Variants in GSE1 observed in about 807,000 individuals in gnomAD.
The protein encoded by GSE1 is genetic suppressor element 1.
A neutral mutation model predicts 112.6 loss-of-function variants in GSE1; 32 were observed. The ratio of observed to expected loss-of-function variants is 0.28; its 90% CI spans 0.21 to 0.38. The LOEUF (loss-of-function observed/expected upper bound fraction) is 0.38. GSE1 is among the 10% of genes least tolerant of loss of function. GSE1 has a pLI of 1.00. For missense variants in GSE1, 2,348 were observed against 1,699.2 expected (o/e 1.38, Z -6.71); for synonymous variants, 1,115 against 735.6 (o/e 1.52, Z -8.35).
At chr16:85,194,092 G>A (rs1383005961) in intron 1 of GSE1, among the ~76,000 whole-genome samples, 2 of 152,204 alleles carry the variant, frequency 1.3e-5, no homozygotes, top group Non-Finnish European at 2.9e-5. Context: ...GGCAGAGCTC[G>A]ACTCTGACTC....
chr16:85,382,669 TAAC>T (rs1393118138), intron 2 of GSE1, among the ~76,000 whole-genome samples: 1 of 151,890 alleles, frequency 6.6e-6, no homozygotes. Context: ...CACTGCCAAA[TAAC>T]AGCAGAAGCC....
intron 2 of GSE1, among the ~76,000 whole-genome samples, chr16:85,436,592 G>A (rs1475716620): frequency 2.0e-5 from 3 of 152,244 alleles, no homozygotes; most frequent in African/African-American, 7.2e-5. Flanking sequence ...GTGTGAAGGC[G>A]GGGACCTCGG....
chr16:85,266,188 CCT>C (rs1555549623), intron 1 of GSE1, among the ~76,000 whole-genome samples: 2 of 152,126 alleles, frequency 1.3e-5, no homozygotes, highest in African/African-American at 4.8e-5. Flanking sequence ...CAAACTTGTC[CCT>C]GTTTCTGGGC....
At chr16:85,505,054 C>T (rs937872529) in intron 2 of GSE1, among the ~76,000 whole-genome samples, 2 of 152,200 alleles carry the variant, frequency 1.3e-5, no homozygotes, top group Admixed American at 1.3e-4. Context: ...CCAGCACTCC[C>T]ATCCCTCACT....
At chr16:85,346,247 G>A (rs758017809) in intron 1 of GSE1, among the ~76,000 whole-genome samples, 4 of 150,964 alleles carry the variant, frequency 2.6e-5, no homozygotes, top group Non-Finnish European at 5.9e-5. Context: ...GTGGATGATG[G>A]ATGGATGGAT....
At chr16:85,299,671 T>C (rs1481009057) in intron 1 of GSE1, among the ~76,000 whole-genome samples, 2 of 152,178 alleles carry the variant, frequency 1.3e-5, no homozygotes, top group Admixed American at 1.3e-4. Context: ...CTCACACCTA[T>C]AATCCCAGCA....
At chr16:85,261,306 C>T (rs1195832386) in intron 1 of GSE1, among the ~76,000 whole-genome samples, 2 of 152,188 alleles carry the variant, frequency 1.3e-5, no homozygotes, top group South Asian at 2.1e-4. Flanking sequence ...CCTGGTGCCC[C>T]CACTCACTCA....
At position 85,431,999 on chromosome 16, in the gene GSE1, C is replaced by G. The variant is rs577477990; in HGVS notation, c.2464+74356C>G. ...CGGCATGGGCGCCTGGTGGAATCCT[C>G]GCCGCCTGGGCGAGTGCTGGGACGC... On this transcript the variant is annotated intron_variant, in intron 2 of 2. Transcript: ENST00000637419. Among the ~76,000 whole-genome samples, 36 of 152,314 alleles carry G rather than the reference C, an allele frequency of 2.4e-4. 1 individual carries two copies. The highest frequency in any genetic ancestry group is 8.4e-4 in the African/African-American group (35 of 41,578).
chr16:85,366,900 A>G (rs1036015135), intron 2 of GSE1, among the ~76,000 whole-genome samples: 1 of 152,242 alleles, frequency 6.6e-6, no homozygotes, highest in African/African-American at 2.4e-5. Context: ...TTTTAGATGG[A>G]AAAGACGAGA....
At chr16:85,186,870 G>C (rs1254773027) in intron 1 of GSE1, among the ~76,000 whole-genome samples, 1 of 152,226 alleles carries the variant, frequency 6.6e-6, no homozygotes, top group African/African-American at 2.4e-5. Context: ...AGCAGCGATG[G>C]TTGCCATGTA....
At chr16:85,557,106 T>A (rs892694051) in intron 1 of GSE1, among the ~76,000 whole-genome samples, 10 of 151,800 alleles carry the variant, frequency 6.6e-5, no homozygotes, top group Non-Finnish European at 1.0e-4. Context: ...TTCTAAACCT[T>A]AAAAAAAATT....
intron 1 of GSE1, among the ~76,000 whole-genome samples, chr16:85,339,620 G>A (rs2151536479): frequency 6.6e-6 from 1 of 151,216 alleles, no homozygotes; most frequent in African/African-American, 2.4e-5. Flanking sequence ...GTGCGGAGGG[G>A]GAGGGGGGCA....
rs1567766958 is a variant in GSE1 at position 85,668,442 on chromosome 16, AAG to A, written c.3415+21_3415+22del. The stretch of plus-strand genomic sequence containing the variant: ...CATAGAAGGTAAGGGGGTGCTGGGG[AAG>A]AGGGGGGAGGGGGTCAGGAAAGTAC... On this transcript the variant is annotated intron_variant, in intron 14 of 15. Coordinates refer to ENST00000253458, the MANE Select transcript of GSE1 (RefSeq NM_014615.5). 3 of 1,524,684 alleles carry A rather than the reference AAG, an allele frequency of 2.0e-6. No homozygotes were observed. The highest frequency in any genetic ancestry group is 1.4e-5 in the African/African-American group (1 of 73,396). The allele number at this position is 1,524,684 out of a possible 1,614,324, so 94.4% of individuals were successfully genotyped here.
intron 1 of GSE1, among the ~76,000 whole-genome samples, chr16:85,575,214 C>T (rs541925224): frequency 4.6e-5 from 7 of 152,196 alleles, no homozygotes; most frequent in Non-Finnish European, 7.3e-5. Context: ...TCCACAGGGC[C>T]AGGGCAGGCA....
rs2048772754 is a variant in GSE1 at position 85,419,298 on chromosome 16, G to C, written c.2464+61655G>C. On this transcript the variant is annotated intron_variant, in intron 2 of 2. Transcript: ENST00000637419. The surrounding 1 kb of genome is among the most constrained non-coding windows in gnomAD (Gnocchi z 6.5). Reference sequence around the variant, plus strand: ...AGGCCACCTCAGGAGGCAACATTTAGAGTCGGGGTCAGGGTTTGAGAATAT... The same window carrying C: ...AGGCCACCTCAGGAGGCAACATTTACAGTCGGGGTCAGGGTTTGAGAATAT... Among the ~76,000 whole-genome samples, 1 of 152,206 alleles carries C rather than the reference G, an allele frequency of 6.6e-6. No homozygotes were observed. Among genetic ancestry groups the C allele is most frequent in the South Asian group, 2.1e-4 (1 of 4,824 alleles).
chr16:85,449,084 C>T (rs1199812928), intron 2 of GSE1, among the ~76,000 whole-genome samples: 1 of 152,186 alleles, frequency 6.6e-6, no homozygotes, highest in African/African-American at 2.4e-5. Context: ...GAAACCGGGC[C>T]GGGAGCAGCC....
chr16:85,520,087 G>A (rs915620630), intron 2 of GSE1, among the ~76,000 whole-genome samples: 4 of 152,180 alleles, frequency 2.6e-5, no homozygotes, highest in African/African-American at 9.7e-5. Flanking sequence ...AACAACCATC[G>A]AAATGTACTG....
chr16:85,357,597 T>G, exon 2 of GSE1: 1 of 1,288,970 alleles, frequency 7.8e-7, no homozygotes, highest in South Asian at 1.2e-5. Flanking sequence ...CAGCACAGTG[T>G]CTGCAGAGCA....
At chr16:85,394,201 G>T (rs1348200049) in intron 2 of GSE1, among the ~76,000 whole-genome samples, 1 of 152,176 alleles carries the variant, frequency 6.6e-6, no homozygotes, top group African/African-American at 2.4e-5. Context: ...GGGGCTGGAG[G>T]GTGGGAGGCA....
Sources: allele counts gnomAD v4.1 joint callset (sites outside exome capture counted in the v4.1 genomes callset), GRCh38; gene constraint gnomAD v4.1.1; non-coding constraint Gnocchi (gnomAD v3.1); transcripts MANE v1.5; gene names NCBI Gene and HGNC (gene_info 2026-07-23, HGNC 2026-07-21).